The following APMAP variants were observed in gnomAD, a reference collection of about 807,000 sequenced individuals.
The protein encoded by APMAP is adipocyte plasma membrane-associated protein.
APMAP carries 33 observed loss-of-function variants against 43.6 expected under a neutral mutation model. That is an observed-to-expected ratio of 0.76 (90% CI 0.57 to 1.01). APMAP has a LOEUF of 1.01. Among genes scored for constraint, APMAP ranks in the 50% least tolerant of loss-of-function variants. The probability of loss-of-function intolerance (pLI) is 0.00; values close to 1 mark genes in which losing one functional copy is unlikely to be tolerated. For missense variants in APMAP, 498 were observed against 540.7 expected, an observed-to-expected ratio of 0.92 and a Z score of 0.78; for synonymous variants, 224 against 216.7, an observed-to-expected ratio of 1.03 and a Z score of -0.30.
chr20:24,980,578 C>T (rs1451222425), intron 2 of APMAP, among the ~76,000 whole-genome samples: 2 of 151,562 alleles, frequency 1.3e-5, no homozygotes, highest in South Asian at 2.1e-4. Context: ...CTACCAGCTT[C>T]GCTTGGCCTC....
chr20:24,969,202 C>A, intron 7 of APMAP, 118 bp from the exon 8 acceptor site: 1 of 1,075,798 alleles, frequency 9.3e-7, no homozygotes, highest in Non-Finnish European at 1.3e-6. Flanking sequence ...GCTCTATGAC[C>A]ATCATGAACA....
chr20:24,988,713 T>C (rs2088167884), intron 1 of APMAP, among the ~76,000 whole-genome samples: 2 of 152,152 alleles, frequency 1.3e-5, no homozygotes. Context: ...CACCACTAAC[T>C]CTATGCAGCT....
At chr20:24,978,665 CAGTCCAG>C in intron 3 of APMAP, 95 bp downstream of exon 3, 1 of 918,622 alleles carries the variant, frequency 1.1e-6, no homozygotes, top group Admixed American at 2.1e-5. Flanking sequence ...TGCAGGGCCC[CAGTCCAG>C]GGGCAGCGTG....
intron 8 of APMAP, chr20:24,964,346 A>G: frequency 1.9e-6 from 1 of 532,572 alleles, no homozygotes; most frequent in Non-Finnish European, 3.7e-6. Flanking sequence ...ACAGCACTGC[A>G]GCCAAGGCTC....
chr20:24,975,389 ATGGAATT>A (rs2088042553), intron 3 of APMAP, among the ~76,000 whole-genome samples: 1 of 152,214 alleles, frequency 6.6e-6, no homozygotes. Context: ...CAATGAACAA[ATGGAATT>A]TGGAATTGAA....
intron 2 of APMAP, among the ~76,000 whole-genome samples, chr20:24,981,415 G>A (rs1380747069): frequency 6.6e-6 from 1 of 152,206 alleles, no homozygotes; most frequent in African/African-American, 2.4e-5. Context: ...GTGACCCACA[G>A]ACTGCACAAA....
chr20:24,985,872 G>C (rs1156725970), intron 1 of APMAP, among the ~76,000 whole-genome samples: 1 of 152,170 alleles, frequency 6.6e-6, no homozygotes, highest in Non-Finnish European at 1.5e-5. Flanking sequence ...AACTGGGCAC[G>C]AACACTGCTG....
chr20:24,963,938 T>C lies in APMAP; in HGVS notation c.1126A>G (p.Ser376Gly), dbSNP rs763255949. Residue 376 changes from serine (S) to glycine (G), a missense_variant, in exon 9 of 9, where the codon AGC becomes GGC. Physicochemically the swap from Ser to Gly is moderately conservative, Grantham distance 56. Transcript: ENST00000217456. ...ELSDSGAFRR[S>G]LHDPDGLVAT... ...ACCAGCCCATCGGGATCATGCAGGC[T>C]TCTCCGGAAGGCACCGCTGTCGCTG... The C allele has an allele frequency of 1.9e-6, 3 of 1,614,210 alleles. No individual in the cohort carries two copies. The highest frequency in any genetic ancestry group is 2.5e-6 in the Non-Finnish European group (3 of 1,180,038).
intron 5 of APMAP, among the ~76,000 whole-genome samples, chr20:24,971,213 C>T (rs1352220037): frequency 6.6e-6 from 1 of 152,086 alleles, no homozygotes; most frequent in Admixed American, 6.5e-5. Context: ...TTTTGAGACC[C>T]TGTGGCTAAA....
At chr20:24,986,174 C>A (rs2088145559) in intron 1 of APMAP, among the ~76,000 whole-genome samples, 2 of 152,188 alleles carry the variant, frequency 1.3e-5, no homozygotes, top group South Asian at 2.1e-4. Flanking sequence ...GATGAGAATT[C>A]TGTGTCTATT....
chr20:24,967,645 A>T (rs563386163), intron 8 of APMAP, among the ~76,000 whole-genome samples: 1 of 152,340 alleles, frequency 6.6e-6, no homozygotes, highest in East Asian at 1.9e-4. Context: ...CTATGTGCAG[A>T]TTCTCACTAA....
intron 8 of APMAP, 151 bp from the exon 9 acceptor site, chr20:24,964,173 C>T: frequency 1.2e-6 from 1 of 855,960 alleles, no homozygotes; most frequent in Non-Finnish European, 1.9e-6. Flanking sequence ...GACAGCTAAT[C>T]CAGCTCCCAC....
intron 4 of APMAP, 73 bp downstream of exon 4, chr20:24,973,572 C>A: frequency 7.1e-7 from 1 of 1,417,218 alleles, no homozygotes; most frequent in African/African-American, 1.4e-5. Flanking sequence ...TAGGGAAAAG[C>A]AGTTCCACAC....
Position 24,992,734 on chromosome 20 carries a change from G to C in APMAP, c.-46C>G, listed in dbSNP as rs1468123639. The C allele has an allele frequency of 7.1e-7, 1 of 1,403,016 alleles. No individual in the cohort carries two copies. The highest frequency in any genetic ancestry group is 9.5e-7 in the Non-Finnish European group (1 of 1,058,104). 86.9% of individuals were successfully genotyped at this position (1,403,016 alleles called of 1,614,324 possible). ...CCGCAGAAACCACCTCACACTGAGC[G>C]GCGCCGGCTCAGACTCCAGGCCCGC... On this transcript the variant is annotated 5_prime_UTR_variant, in exon 1 of 9. Coordinates refer to ENST00000217456, the MANE Select transcript of APMAP (RefSeq NM_020531.3).
Position 24,970,180 on chromosome 20 carries a change from C to G in APMAP, c.713+17G>C. On this transcript the variant is annotated intron_variant, in intron 6 of 8. Coordinates refer to ENST00000217456, the MANE Select transcript of APMAP (RefSeq NM_020531.3). ...CTGGTGAACTCAACAAATGGGAGACCTGGAGCAAGGCCTCACCGCCCGTCA... is the reference window on the plus strand; with the variant it reads ...CTGGTGAACTCAACAAATGGGAGACGTGGAGCAAGGCCTCACCGCCCGTCA... 6.2e-7 allele frequency: 1 copy of G among 1,613,694 alleles called. No individual in the cohort carries two copies. The highest frequency in any genetic ancestry group is 8.5e-7 in the Non-Finnish European group (1 of 1,179,706).
At chr20:24,964,225 G>C (rs530916381) in intron 8 of APMAP, 34 of 685,550 alleles carry the variant, frequency 5.0e-5, no homozygotes, top group Non-Finnish European at 7.0e-5. Context: ...CCCCACCCCT[G>C]TCCCTGTGAA....
At chr20:24,979,152 C>A (rs1024833047) in intron 2 of APMAP, among the ~76,000 whole-genome samples, 4 of 152,220 alleles carry the variant, frequency 2.6e-5, no homozygotes, top group Admixed American at 2.6e-4. Flanking sequence ...CACCCATCCT[C>A]CAGCCTCCCC....
chr20:24,986,324 G>A (rs6050234), intron 1 of APMAP, among the ~76,000 whole-genome samples: 13,640 of 152,174 alleles, frequency 0.09, 686 homozygotes, highest in Middle Eastern at 0.12. Context: ...TATTAGGTGG[G>A]AAAGGAGGTG....
At chr20:24,981,125 T>A (rs538679348) in intron 2 of APMAP, among the ~76,000 whole-genome samples, 24 of 152,326 alleles carry the variant, frequency 1.6e-4, no homozygotes, top group Admixed American at 1.3e-3. Flanking sequence ...TTTCAGTACT[T>A]GAGAACAAAA....
Sources: gnomAD v4.1 joint callset for allele counts (sites outside exome capture counted in the v4.1 genomes callset) on GRCh38, gnomAD v4.1.1 for gene constraint, MANE v1.5 for transcripts, NCBI Gene and HGNC (gene_info 2026-07-23, HGNC 2026-07-21) for gene names.